The following SH3TC2 variants were observed in gnomAD, a reference collection of about 807,000 sequenced individuals.
SH3TC2 encodes SH3 domain and tetratricopeptide repeat-containing protein 2.
Under a neutral mutation model 124.5 loss-of-function variants are expected in SH3TC2, and 87 were observed. That is an observed-to-expected ratio of 0.70 (90% CI 0.59 to 0.84). SH3TC2 has a LOEUF of 0.84. Ranked by LOEUF, SH3TC2 falls within the 40% of genes least tolerant of loss-of-function variation. The probability of loss-of-function intolerance (pLI) is 0.00; values close to 1 mark genes in which losing one functional copy is unlikely to be tolerated. For missense variants in SH3TC2, 1,536 were observed against 1,566.4 expected, an observed-to-expected ratio of 0.98 and a Z score of 0.33; for synonymous variants, 634 against 628.5, an observed-to-expected ratio of 1.01 and a Z score of -0.13.
chr5:149,053,573 G>A (rs1406405871), intron 1 of SH3TC2, among the ~76,000 whole-genome samples: 1 of 152,216 alleles, frequency 6.6e-6, no homozygotes, highest in Non-Finnish European at 1.5e-5. Flanking sequence ...TTTCAGTTCT[G>A]CCCCGAGGAA....
In SH3TC2 at chr5:148,989,184, TC is replaced by T. The variant is rs1454396415; in HGVS notation, c.*15526del. Among the ~76,000 whole-genome samples, 1 of 152,342 alleles carries T rather than the reference TC, an allele frequency of 6.6e-6. No homozygotes were observed. Among genetic ancestry groups the T allele is most frequent in the African/African-American group, 2.4e-5 (1 of 41,584 alleles). ...GAGTCTTTTTTCCAAGATTACAGGC[TC>T]AAGTCATGGGTTTTAAAAATAGCCA... On this transcript the variant is annotated 3_prime_UTR_variant, in exon 17 of 17. Transcript: ENST00000515425.
chr5:149,048,614 A>T (rs1754506774), intron 2 of SH3TC2, among the ~76,000 whole-genome samples: 1 of 152,252 alleles, frequency 6.6e-6, no homozygotes, highest in South Asian at 2.1e-4. Flanking sequence ...AGAGCTTTCT[A>T]TAAGCCAGAA....
At chr5:149,038,260 C>T in intron 8 of SH3TC2, 35 bp downstream of exon 8, 1 of 1,603,764 alleles carries the variant, frequency 6.2e-7, no homozygotes, top group Non-Finnish European at 8.5e-7. Context: ...GGAAAGGGAG[C>T]CCAGCTCCAG....
chr5:149,027,827 G>C lies in SH3TC2; in HGVS notation c.1905C>G (p.Ala635=). 6.2e-7 allele frequency: 1 copy of C among 1,613,878 alleles called. No homozygotes were observed. The change falls in exon 11 of 17, where the codon GCC becomes GCG. Residue 635 remains alanine, a synonymous_variant. Coordinates refer to ENST00000515425, the MANE Select transcript of SH3TC2 (RefSeq NM_024577.4). The stretch of plus-strand genomic sequence containing the variant: ...GGAGCAAGCGGATGGCCAGAAAGCA[G>C]GCCCTGGCCTCCAGCGGGCTGCTGC... ...VVGSSPLEAR[A]CFLAIRLLLS... is the part of the protein sequence containing the mutation.
At chr5:149,023,593 T>A (rs1754013751) in intron 12 of SH3TC2, among the ~76,000 whole-genome samples, 1 of 146,444 alleles carries the variant, frequency 6.8e-6, no homozygotes, top group Non-Finnish European at 1.5e-5. Flanking sequence ...CTTTTTTTTT[T>A]TTTTTTTTGA....
chr5:149,026,519 T>G (rs1411706235), intron 12 of SH3TC2, 53 bp downstream of exon 12: 8 of 1,603,656 alleles, frequency 5.0e-6, no homozygotes, highest in Non-Finnish European at 6.8e-6. Context: ...AGAACACTGT[T>G]TCTCCTTAAG....
Position 149,058,579 on chromosome 5 carries a change from A to G in SH3TC2, c.52+4392T>C, listed in dbSNP as rs1305996068. 2.0e-5 allele frequency among the ~76,000 whole-genome samples: 3 copies of G among 149,336 alleles called. No individual in the cohort carries two copies. The South Asian group carries it at 6.3e-4, about 32-fold the overall frequency. On this transcript the variant is annotated intron_variant, in intron 1 of 16. Transcript: ENST00000515425. Reference sequence around the variant, plus strand: ...GAGTTGAAAGAGCTTTTTTTTTTTTAATATACTTGTTCTGGATATTACTCC... The same window carrying G: ...GAGTTGAAAGAGCTTTTTTTTTTTTGATATACTTGTTCTGGATATTACTCC...
At chr5:149,016,209 A>T (rs1406089198) in intron 12 of SH3TC2, among the ~76,000 whole-genome samples, 2 of 152,188 alleles carry the variant, frequency 1.3e-5, no homozygotes, top group South Asian at 4.1e-4. Context: ...AAAAAAAATA[A>T]GGCTTGGTAA....
In SH3TC2 at chr5:149,028,507, C is replaced by T; in HGVS notation, c.1225G>A (p.Glu409Lys). 6.2e-7 allele frequency: 1 copy of T among 1,613,654 alleles called. No individual in the cohort carries two copies. The highest frequency in any genetic ancestry group is 8.5e-7 in the Non-Finnish European group (1 of 1,179,706). The part of the protein sequence containing the change: ...FKEVRPGRAW[E>K]EHQAVGSRQS... ...CTGGACCCCACGGCCTGATGCTCCT[C>T]CCAGGCTCTGCCAGGCCTGACCTCC... The change falls in exon 11 of 17, where the codon GAG becomes AAG. Residue 409 changes from glutamate to lysine, a missense_variant. Transcript: ENST00000515425.
In SH3TC2 at chr5:149,022,014, C is replaced by T. The variant is rs377085915; in HGVS notation, c.3053+4558G>A. 1.3e-4 allele frequency among the ~76,000 whole-genome samples: 5 copies of T among 37,508 alleles called. 1 individual carries two copies. The African/African-American group carries it at 1.4e-3, about 11-fold the overall frequency. The allele number at this position is 37,508 out of a possible 152,430, so 24.6% of individuals were successfully genotyped here. ...CTGCAAGCTCCGCCTCCCGGGTTCA[C>T]GCCATTCTCCTGCCTCACAAACTCT... On this transcript the variant is annotated intron_variant, in intron 12 of 16. Transcript: ENST00000515425.
rs1338999856 is a variant in SH3TC2 at position 149,001,305 on chromosome 5, C to T, written c.*3406G>A. The T allele has an allele frequency of 2.6e-5, 4 of 152,064 alleles. No individual in the cohort carries two copies. Among genetic ancestry groups the T allele is most frequent in the Non-Finnish European group, 4.4e-5 (3 of 68,006 alleles). 9.4% of individuals were successfully genotyped at this position (152,064 alleles called of 1,614,324 possible). ...TACTGTTGGACAGGGAACTAGTATA[C>T]CTGAAAGCTGAGAAAACATGTTACA... is the stretch of plus-strand genomic sequence containing the variant. On this transcript the variant is annotated 3_prime_UTR_variant, in exon 17 of 17. Transcript: ENST00000515425.
chr5:149,058,678 G>A (rs1425652420), intron 1 of SH3TC2, among the ~76,000 whole-genome samples: 1 of 151,978 alleles, frequency 6.6e-6, no homozygotes, highest in East Asian at 1.9e-4. Flanking sequence ...GGGTGGGAAT[G>A]AGCTTTGTAC....
At chr5:149,007,989 T>C (rs530974499) in intron 15 of SH3TC2, 1 of 152,516 alleles carries the variant, frequency 6.6e-6, no homozygotes, top group African/African-American at 2.4e-5. Context: ...GCCTGGGGCC[T>C]CCAAGGCCTT....
chr5:149,055,680 A>T (rs1441270311), intron 1 of SH3TC2, among the ~76,000 whole-genome samples: 1 of 152,198 alleles, frequency 6.6e-6, no homozygotes, highest in Non-Finnish European at 1.5e-5. Context: ...ATCCACTAAA[A>T]TATTCAGAAC....
rs1281942077 is a variant in SH3TC2 at position 148,998,331 on chromosome 5, T to G, written c.*6380A>C. On this transcript the variant is annotated 3_prime_UTR_variant, in exon 17 of 17. Coordinates refer to ENST00000515425, the MANE Select transcript of SH3TC2 (RefSeq NM_024577.4). Reference sequence around the variant, plus strand: ...TAATATTAAATACGTTCTTTACCAATGATACACTATTTAGGAAGACATCAC... The same window carrying G: ...TAATATTAAATACGTTCTTTACCAAGGATACACTATTTAGGAAGACATCAC... Among the ~76,000 whole-genome samples, 10 of 152,230 alleles carry G rather than the reference T, an allele frequency of 6.6e-5. No individual in the cohort carries two copies. Among genetic ancestry groups the G allele is most frequent in the Non-Finnish European group, 1.5e-5 (1 of 68,040 alleles).
rs185514808 is a variant in SH3TC2, at chr5:149,042,294, G to A, written c.529+400C>T. 9.2e-5 allele frequency among the ~76,000 whole-genome samples: 14 copies of A among 152,260 alleles called. No individual in the cohort carries two copies. The East Asian group carries it at 2.5e-3, about 27-fold the overall frequency. ...AAAAACTTCAAGTTTTGCAACATTT[G>A]CAACTTTATTTTACAATCAAATTTT... On this transcript the variant is annotated intron_variant, in intron 5 of 16. Coordinates refer to ENST00000515425, the MANE Select transcript of SH3TC2 (RefSeq NM_024577.4).
At chr5:149,042,947 C>A in intron 4 of SH3TC2, 110 bp from the exon 5 acceptor site, 1 of 1,265,808 alleles carries the variant, frequency 7.9e-7, no homozygotes, top group Admixed American at 1.7e-5. Context: ...ACCACAAGCC[C>A]CAACCTGCCA....
In SH3TC2 at chr5:149,041,552, T is replaced by G. The variant is rs147824514; in HGVS notation, c.595A>C (p.Thr199Pro). ...PPAEKEGECL[T>P]LCKNELISVK... ...GAGATTAACTCATTCTTGCAAAGTG[T>G]CAAGCATTCCCCTTCCTTCTCGGCT... The change falls in exon 6 of 17, where the codon ACA becomes CCA. Residue 199 changes from threonine (T) to proline (P), a missense_variant. By Grantham distance (38) the Thr-to-Pro change is conservative. Coordinates refer to ENST00000515425, the MANE Select transcript of SH3TC2 (RefSeq NM_024577.4). The G allele has an allele frequency of 3.1e-6, 5 of 1,614,156 alleles. No homozygotes were observed. In the Admixed American group the frequency reaches 8.3e-5, roughly 27 times the overall value.
At position 148,996,716 on chromosome 5, in the gene SH3TC2, A is replaced by C. The variant is rs1045681299; in HGVS notation, c.*7995T>G. 7.9e-5 allele frequency among the ~76,000 whole-genome samples: 12 copies of C among 152,160 alleles called. No individual in the cohort carries two copies. Among genetic ancestry groups the C allele is most frequent in the Admixed American group, 2.6e-4 (4 of 15,274 alleles). On this transcript the variant is annotated 3_prime_UTR_variant, in exon 17 of 17. Transcript: ENST00000515425. ...TATCCCCAGATGAACAAACATCAGA[A>C]GTTCTCTATGTGCAAGAAAGTTCAA...
Sources: allele counts gnomAD v4.1 joint callset (sites outside exome capture counted in the v4.1 genomes callset), GRCh38; gene constraint gnomAD v4.1.1; transcripts MANE v1.5; gene names NCBI Gene and HGNC (gene_info 2026-07-23, HGNC 2026-07-21).